Variants in CNTN5 observed in about 807,000 individuals in gnomAD.
CNTN5 encodes contactin-5.
CNTN5 carries 77 observed loss-of-function variants against 129.1 expected under a neutral mutation model. The ratio of observed to expected loss-of-function variants is 0.60; its 90% CI spans 0.50 to 0.72. The LOEUF (loss-of-function observed/expected upper bound fraction) is 0.72. CNTN5 is among the 30% of genes least tolerant of loss of function. The probability of loss-of-function intolerance (pLI) is 0.00; values close to 1 mark genes in which losing one functional copy is unlikely to be tolerated. For missense variants in CNTN5, 1,478 were observed against 1,328.8 expected (o/e 1.11, Z -1.75); for synonymous variants, 509 against 465.6 (o/e 1.09, Z -1.20).
chr11:99,063,695 ACT>A (rs1204378079), intron 1 of CNTN5, among the ~76,000 whole-genome samples: 1 of 152,022 alleles, frequency 6.6e-6, no homozygotes, highest in Non-Finnish European at 1.5e-5. Context: ...TTGAGAAAAT[ACT>A]CTTTTAGACT....
At chr11:100,099,035 T>C (rs1945120334) in intron 13 of CNTN5, among the ~76,000 whole-genome samples, 1 of 152,012 alleles carries the variant, frequency 6.6e-6, no homozygotes, top group African/African-American at 2.4e-5. Flanking sequence ...TGGGAAAAAC[T>C]GCAAAGTAAC....
chr11:99,232,472 G>C (rs1803548889), intron 1 of CNTN5, among the ~76,000 whole-genome samples: 1 of 152,100 alleles, frequency 6.6e-6, no homozygotes, highest in Non-Finnish European at 1.5e-5. Flanking sequence ...TGGTGTATAG[G>C]AATGCCTGTC....
At chr11:99,897,753 A>G (rs1949245161) in intron 6 of CNTN5, among the ~76,000 whole-genome samples, 1 of 152,294 alleles carries the variant, frequency 6.6e-6, no homozygotes, top group Middle Eastern at 3.4e-3. Flanking sequence ...CTCCAAAACA[A>G]CTAGCTAACA....
chr11:99,829,073 C>CA (rs1005989799), intron 4 of CNTN5, among the ~76,000 whole-genome samples: 7 of 151,656 alleles, frequency 4.6e-5, no homozygotes, highest in South Asian at 2.1e-4. Flanking sequence ...GTGTGATTTA[C>CA]AAAAAAAATA....
chr11:99,576,370 G>T (rs989347227), intron 3 of CNTN5, among the ~76,000 whole-genome samples: 4 of 152,146 alleles, frequency 2.6e-5, no homozygotes, highest in African/African-American at 9.7e-5. Context: ...AGCAGTAATT[G>T]GAGAAATAGA....
intron 13 of CNTN5, among the ~76,000 whole-genome samples, chr11:100,131,648 A>C (rs1266794587): frequency 1.3e-5 from 2 of 152,066 alleles, no homozygotes; most frequent in African/African-American, 4.8e-5. Context: ...GGAAATAAAA[A>C]AAAGGCTGAC....
chr11:99,752,491 A>C (rs1944267803), intron 3 of CNTN5, among the ~76,000 whole-genome samples: 1 of 152,224 alleles, frequency 6.6e-6, no homozygotes, highest in South Asian at 2.1e-4. Context: ...TTGGAATGTT[A>C]GGTAATTATT....
chr11:99,502,121 C>T (rs1281666295), intron 2 of CNTN5, among the ~76,000 whole-genome samples: 1 of 152,188 alleles, frequency 6.6e-6, no homozygotes, highest in African/African-American at 2.4e-5. Flanking sequence ...AATTCTGCAA[C>T]AGACAATTCA....
intron 1 of CNTN5, among the ~76,000 whole-genome samples, chr11:99,167,683 G>C (rs1016779401): frequency 1.3e-5 from 2 of 151,996 alleles, no homozygotes; most frequent in Admixed American, 1.3e-4. Context: ...TGACAATGGG[G>C]TGTGAAAGAA....
intron 3 of CNTN5, among the ~76,000 whole-genome samples, chr11:99,714,917 T>C (rs1218850923): frequency 6.6e-6 from 1 of 151,784 alleles, no homozygotes; most frequent in Non-Finnish European, 1.5e-5. Flanking sequence ...TAAAGCACTA[T>C]TGAGAGTGCT....
At chr11:99,741,005 T>C (rs769500941) in intron 3 of CNTN5, among the ~76,000 whole-genome samples, 1 of 152,202 alleles carries the variant, frequency 6.6e-6, no homozygotes, top group East Asian at 1.9e-4. Flanking sequence ...ATTGTTTGCA[T>C]CTTGAATCCC....
chr11:99,062,873 A>G (rs1470320732), intron 1 of CNTN5, among the ~76,000 whole-genome samples: 1 of 152,118 alleles, frequency 6.6e-6, no homozygotes, highest in Non-Finnish European at 1.5e-5. Context: ...TGTTAAATTC[A>G]GTATTTTAAG....
At chr11:99,910,367 A>C (rs984047158) in intron 6 of CNTN5, among the ~76,000 whole-genome samples, 8 of 151,998 alleles carry the variant, frequency 5.3e-5, no homozygotes, top group African/African-American at 1.9e-4. Flanking sequence ...TTTGCTCTAG[A>C]GTGTGTTATG....
chr11:99,304,815 A>G (rs897675754), intron 1 of CNTN5, among the ~76,000 whole-genome samples: 5 of 152,212 alleles, frequency 3.3e-5, no homozygotes, highest in African/African-American at 9.6e-5. Context: ...TGTGAGGTTC[A>G]CAAGGCCTTT....
intron 4 of CNTN5, among the ~76,000 whole-genome samples, chr11:99,842,393 A>G (rs1947538281): frequency 6.6e-6 from 1 of 152,222 alleles, no homozygotes. Flanking sequence ...AGTGCTTGCA[A>G]TATACAAGGT....
chr11:99,189,307 G>C (rs1182478117), intron 1 of CNTN5, among the ~76,000 whole-genome samples: 1 of 151,274 alleles, frequency 6.6e-6, no homozygotes, highest in African/African-American at 2.4e-5. Flanking sequence ...TAGATTCTTA[G>C]GCTCTTTCCA....
intron 9 of CNTN5, among the ~76,000 whole-genome samples, chr11:100,060,242 C>T (rs1025338128): frequency 1.3e-5 from 2 of 151,538 alleles, no homozygotes; most frequent in Non-Finnish European, 2.9e-5. Flanking sequence ...GAAAAACCTC[C>T]GCTGCTTTCA....
chr11:99,562,685 T>C (rs983529593), intron 3 of CNTN5, among the ~76,000 whole-genome samples: 1 of 152,114 alleles, frequency 6.6e-6, no homozygotes, highest in East Asian at 1.9e-4. Flanking sequence ...TTTAAAAACA[T>C]ACTGGCATTA....
In CNTN5 at chr11:99,042,365, CTTTTTTTTTTTT is replaced by C. The variant is rs1210153589; in HGVS notation, c.-210+21111_-210+21122del. Among the ~76,000 whole-genome samples the C allele has an allele frequency of 2.5e-4, 21 of 83,792 alleles. 1 individual carries two copies. Among genetic ancestry groups the C allele is most frequent in the Non-Finnish European group, 4.5e-4 (20 of 44,916 alleles). 55.0% of individuals were successfully genotyped at this position (83,792 alleles called of 152,430 possible). A position where few individuals can be genotyped will look rare whatever the true frequency, so the allele number is the denominator to read the frequency against. On this transcript the variant is annotated intron_variant, in intron 1 of 24. Coordinates refer to ENST00000524871, the MANE Select transcript of CNTN5 (RefSeq NM_014361.4). ...CACATGTACCTCCCTTCTTCTTCTT[CTTTTTTTTTTTT>C]TTTTTTTTTTTTTTTGAGACAGAGT...
Sources: gnomAD v4.1 joint callset for allele counts (sites outside exome capture counted in the v4.1 genomes callset) on GRCh38, gnomAD v4.1.1 for gene constraint, MANE v1.5 for transcripts, NCBI Gene and HGNC (gene_info 2026-07-23, HGNC 2026-07-21) for gene names.